The following RXRA variants were observed in gnomAD, a reference collection of about 807,000 sequenced individuals.
RXRA encodes retinoid X receptor alpha.
A neutral mutation model predicts 44.5 loss-of-function variants in RXRA; 5 were observed. The ratio of observed to expected loss-of-function variants is 0.11; its 90% CI spans 0.06 to 0.24. The LOEUF (loss-of-function observed/expected upper bound fraction) is 0.24, where lower values mean the gene tolerates loss of function less well. Ranked by LOEUF, RXRA falls within the 10% of genes least tolerant of loss-of-function variation. The pLI, the probability that RXRA is intolerant of heterozygous loss-of-function variation, is 1.00. For missense variants in RXRA, 412 were observed against 646.5 expected, an observed-to-expected ratio of 0.64 and a Z score of 3.93; for synonymous variants, 291 against 271.4, an observed-to-expected ratio of 1.07 and a Z score of -0.71.
At position 134,433,687 on chromosome 9, in the gene RXRA, A is replaced by G. The variant is rs1402202197; in HGVS notation, c.1136-415A>G. Among the ~76,000 whole-genome samples, 1 of 152,176 alleles carries G rather than the reference A, an allele frequency of 6.6e-6. No homozygotes were observed. Among genetic ancestry groups the G allele is most frequent in the Non-Finnish European group, 1.5e-5 (1 of 68,022 alleles). ...GCAGGGTCTGGGTACTCCTGGGGGC[A>G]GCAGCGCTATCTCCCATCCATGTTA... On this transcript the variant is annotated intron_variant, in intron 8 of 9. Coordinates refer to ENST00000481739, the MANE Select transcript of RXRA (RefSeq NM_002957.6). The surrounding 1 kb of genome is among the most constrained non-coding windows in gnomAD (Gnocchi z 4.2).
intron 3 of RXRA, 130 bp downstream of exon 3, chr9:134,408,429 G>C: frequency 1.0e-6 from 1 of 985,854 alleles, no homozygotes; most frequent in Non-Finnish European, 1.4e-6. Context: ...GGAGGCAGGT[G>C]CCTGGGCCAT....
At chr9:134,352,342 A>G (rs1830231627) in intron 1 of RXRA, among the ~76,000 whole-genome samples, 1 of 151,900 alleles carries the variant, frequency 6.6e-6, no homozygotes, top group Admixed American at 6.5e-5. Flanking sequence ...TGAGTACGGG[A>G]AGGGGCTGCC....
chr9:134,337,147 C>T (rs923271239), intron 1 of RXRA, among the ~76,000 whole-genome samples: 6 of 152,300 alleles, frequency 3.9e-5, no homozygotes, highest in East Asian at 1.9e-4. Flanking sequence ...ATTCCCAGAT[C>T]GAGAGAGGGA....
intron 1 of RXRA, among the ~76,000 whole-genome samples, chr9:134,352,320 G>T (rs1481822200): frequency 6.6e-6 from 1 of 152,228 alleles, no homozygotes; most frequent in Admixed American, 6.5e-5. Context: ...ATCCCCTCAG[G>T]TGTCTGAAGG....
chr9:134,334,306 G>A (rs1285855180), intron 1 of RXRA, among the ~76,000 whole-genome samples: 3 of 152,280 alleles, frequency 2.0e-5, no homozygotes, highest in Admixed American at 6.5e-5. Context: ...AGTGGGATCA[G>A]AAGCACCTCT....
At chr9:134,373,787 T>C (rs1219922829) in intron 1 of RXRA, among the ~76,000 whole-genome samples, 2 of 152,288 alleles carry the variant, frequency 1.3e-5, no homozygotes, top group African/African-American at 2.4e-5. Flanking sequence ...TCTTTCTGAC[T>C]CTGGACTGGG....
intron 1 of RXRA, among the ~76,000 whole-genome samples, chr9:134,345,048 CT>C (rs1320962795): frequency 2.0e-5 from 3 of 152,216 alleles, no homozygotes; most frequent in Non-Finnish European, 4.4e-5. Context: ...AGGCCCAGTG[CT>C]CGAGCTGCAG....
At chr9:134,346,239 C>A (rs1001535718) in intron 1 of RXRA, among the ~76,000 whole-genome samples, 2 of 152,170 alleles carry the variant, frequency 1.3e-5, no homozygotes, top group Admixed American at 1.3e-4. Flanking sequence ...CGGGACCTGG[C>A]GTTCATCCTT....
At chr9:134,368,504 C>T (rs1033801784) in intron 1 of RXRA, among the ~76,000 whole-genome samples, 9 of 152,172 alleles carry the variant, frequency 5.9e-5, no homozygotes, top group African/African-American at 1.7e-4. Flanking sequence ...AGCAAAAAGT[C>T]ATGTGTGCCG....
chr9:134,326,833 G>T (rs1197453401), intron 1 of RXRA, among the ~76,000 whole-genome samples, 174 bp downstream of exon 1: 65 of 144,288 alleles, frequency 4.5e-4, no homozygotes, highest in African/African-American at 1.6e-3. Flanking sequence ...GGGTCGACCC[G>T]GGGCAACTTT....
intron 1 of RXRA, among the ~76,000 whole-genome samples, chr9:134,383,958 G>A (rs567841353): frequency 3.9e-4 from 60 of 152,274 alleles, no homozygotes; most frequent in African/African-American, 1.3e-3. Context: ...ACCAGGCCTC[G>A]GGGGTTGTTT....
At chr9:134,429,966 A>G (rs1831503999) in intron 7 of RXRA, among the ~76,000 whole-genome samples, 1 of 151,888 alleles carries the variant, frequency 6.6e-6, no homozygotes, top group African/African-American at 2.4e-5. Flanking sequence ...GCTCACTGCA[A>G]GCTCCGCCTC....
chr9:134,387,073 G>T (rs1653128321), intron 1 of RXRA, among the ~76,000 whole-genome samples: 1 of 152,230 alleles, frequency 6.6e-6, no homozygotes. Flanking sequence ...CCGCTGCTGT[G>T]GCTGCGGTGT....
chr9:134,400,124 C>T (rs576134549), intron 1 of RXRA, among the ~76,000 whole-genome samples: 41 of 152,260 alleles, frequency 2.7e-4, no homozygotes, highest in African/African-American at 9.1e-4. Context: ...TCCACGCTGC[C>T]GAGTGGTGGT....
At chr9:134,368,188 C>T (rs1367495538) in intron 1 of RXRA, among the ~76,000 whole-genome samples, 5 of 152,334 alleles carry the variant, frequency 3.3e-5, no homozygotes, top group African/African-American at 4.8e-5. Flanking sequence ...GGCTGCTCCC[C>T]GATGGATGGT....
intron 4 of RXRA, among the ~76,000 whole-genome samples, chr9:134,416,956 G>A (rs1420028400): frequency 6.6e-6 from 1 of 152,190 alleles, no homozygotes; most frequent in African/African-American, 2.4e-5. Context: ...ATTAATGAGA[G>A]TTGGCCTCTG....
chr9:134,351,400 G>T (rs535362578), intron 1 of RXRA, among the ~76,000 whole-genome samples: 1 of 152,328 alleles, frequency 6.6e-6, no homozygotes, highest in South Asian at 2.1e-4. Flanking sequence ...TGTGAGGCAG[G>T]CTGGTCTCCA....
chr9:134,335,389 G>A (rs1400954833), intron 1 of RXRA, among the ~76,000 whole-genome samples: 1 of 152,228 alleles, frequency 6.6e-6, no homozygotes, highest in African/African-American at 2.4e-5. Flanking sequence ...TGTTGGGTGG[G>A]AAGTGGGGAA....
At position 134,365,258 on chromosome 9, in the gene RXRA, G is replaced by A. The variant is rs1405520762; in HGVS notation, c.29-36374G>A. On this transcript the variant is annotated intron_variant, in intron 1 of 9. Coordinates refer to ENST00000481739, the MANE Select transcript of RXRA (RefSeq NM_002957.6). This position sits in a 1 kb window ranked among gnomAD's most constrained non-coding sequence, Gnocchi z 4.0. ...TACGGATGAGGAGATAGAGGTTGAG[G>A]ATCACAGCCCCAGCCTGCAGGCGCT... Among the ~76,000 whole-genome samples, 1 of 152,142 alleles carries A rather than the reference G, an allele frequency of 6.6e-6. No homozygotes were observed. The highest frequency in any genetic ancestry group is 1.5e-5 in the Non-Finnish European group (1 of 68,024).
Sources: allele counts gnomAD v4.1 joint callset (sites outside exome capture counted in the v4.1 genomes callset), GRCh38; gene constraint gnomAD v4.1.1; non-coding constraint Gnocchi (gnomAD v3.1); transcripts MANE v1.5; gene names NCBI Gene and HGNC (gene_info 2026-07-23, HGNC 2026-07-21).